TMEM132C: variants seen among roughly 807,000 people sequenced by gnomAD.
The protein encoded by TMEM132C is protein phosphatase 1, regulatory subunit 152.
A neutral mutation model predicts 61.4 loss-of-function variants in TMEM132C; 29 were observed. The observed-to-expected ratio is 0.47, with a 90% CI of 0.35 to 0.64. The LOEUF is 0.64. Ranked by LOEUF, TMEM132C falls within the 30% of genes least tolerant of loss-of-function variation. The pLI is 0.00. For synonymous variants in TMEM132C, 656 were observed against 633.1 expected, an observed-to-expected ratio of 1.04 and a Z score of -0.54; for missense variants, 1,408 against 1,476.9, an observed-to-expected ratio of 0.95 and a Z score of 0.76.
chr12:128,412,714 A>G (rs1868603093), intron 1 of TMEM132C, among the ~76,000 whole-genome samples: 1 of 149,584 alleles, frequency 6.7e-6, no homozygotes, highest in South Asian at 2.1e-4. Flanking sequence ...AGTCCATTAA[A>G]CCTCTTTCTT....
chr12:128,354,285 G>A (rs1873430775), intron 1 of TMEM132C, among the ~76,000 whole-genome samples: 1 of 152,102 alleles, frequency 6.6e-6, no homozygotes, highest in Non-Finnish European at 1.5e-5. Context: ...CGGCCACTCA[G>A]TGGAGGGAGG....
At chr12:128,470,172 G>T (rs928669566) in intron 2 of TMEM132C, among the ~76,000 whole-genome samples, 2 of 152,130 alleles carry the variant, frequency 1.3e-5, no homozygotes, top group African/African-American at 4.8e-5. Flanking sequence ...GGACCTGGTG[G>T]CCCTCATTTC....
rs140078589 is a variant in TMEM132C at position 128,309,683 on chromosome 12, T to G, written c.85+42196T>G. On this transcript the variant is annotated intron_variant, in intron 1 of 8. Coordinates refer to ENST00000435159, the MANE Select transcript of TMEM132C (RefSeq NM_001136103.3). ...CTCACTCGGCATCACTTCTTTAGTTTCATCTGTGCTGTAAAATATATCAGC... is the reference window on the plus strand; with the variant it reads ...CTCACTCGGCATCACTTCTTTAGTTGCATCTGTGCTGTAAAATATATCAGC... Among the ~76,000 whole-genome samples, 782 of 152,310 alleles carry G rather than the reference T, an allele frequency of 5.1e-3. 5 individuals are homozygous for G. Among genetic ancestry groups the G allele is most frequent in the Middle Eastern group, 0.017 (5 of 294 alleles).
chr12:128,504,458 C>T (rs1489678264), intron 2 of TMEM132C, among the ~76,000 whole-genome samples: 2 of 152,174 alleles, frequency 1.3e-5, no homozygotes, highest in South Asian at 2.1e-4. Flanking sequence ...TATTCATCAG[C>T]TCAGGCTGCC....
chr12:128,427,009 G>C lies in TMEM132C; in HGVS notation c.974+11389G>C, dbSNP rs80184459. ...CCCTTTCTATCTAAAAATTTGTGTGGAGGAGAGGCAGGATAAGGTGGCAAG... is the reference window on the plus strand; with the variant it reads ...CCCTTTCTATCTAAAAATTTGTGTGCAGGAGAGGCAGGATAAGGTGGCAAG... On this transcript the variant is annotated intron_variant, in intron 2 of 8. Transcript: ENST00000435159. 8.5e-3 allele frequency among the ~76,000 whole-genome samples: 1,288 copies of C among 152,258 alleles called. 25 individuals carry two copies. Among genetic ancestry groups the C allele is most frequent in the African/African-American group, 0.03 (1,232 of 41,546 alleles).
intron 1 of TMEM132C, among the ~76,000 whole-genome samples, chr12:128,304,159 A>G (rs1224379158): frequency 1.3e-5 from 2 of 152,204 alleles, no homozygotes; most frequent in African/African-American, 4.8e-5. Flanking sequence ...GTCACTAAGT[A>G]TTTTTGAAGA....
intron 1 of TMEM132C, among the ~76,000 whole-genome samples, chr12:128,386,625 G>A (rs1179611740): frequency 3.9e-5 from 6 of 152,190 alleles, no homozygotes; most frequent in African/African-American, 7.2e-5. Flanking sequence ...ACTCTGGGCT[G>A]GGATTGTTCT....
chr12:128,537,619 A>G (rs1348064267), intron 2 of TMEM132C, among the ~76,000 whole-genome samples: 1 of 152,214 alleles, frequency 6.6e-6, no homozygotes, highest in African/African-American at 2.4e-5. Flanking sequence ...GTGCTAGAGA[A>G]CAGACCAGTT....
At chr12:128,617,508 C>A (rs908344801) in intron 4 of TMEM132C, among the ~76,000 whole-genome samples, 1 of 152,162 alleles carries the variant, frequency 6.6e-6, no homozygotes, top group African/African-American at 2.4e-5. Flanking sequence ...ATGTATCACC[C>A]TGGGGCAGGT....
chr12:128,398,459 C>T (rs1307084851), intron 1 of TMEM132C, among the ~76,000 whole-genome samples: 1 of 152,230 alleles, frequency 6.6e-6, no homozygotes, highest in Non-Finnish European at 1.5e-5. Context: ...AGGTTTTCAT[C>T]CTCATGTGTG....
intron 1 of TMEM132C, among the ~76,000 whole-genome samples, chr12:128,311,707 C>T (rs1019112512): frequency 3.9e-5 from 6 of 152,204 alleles, no homozygotes; most frequent in Non-Finnish European, 5.9e-5. Context: ...TGTGGCCATC[C>T]GCAAATGGCG....
At chr12:128,698,558 T>C (rs1042864151) in intron 8 of TMEM132C, among the ~76,000 whole-genome samples, 3 of 152,204 alleles carry the variant, frequency 2.0e-5, no homozygotes, top group Non-Finnish European at 2.9e-5. Context: ...CATTTGCAAA[T>C]TAAATTAGGC....
intron 4 of TMEM132C, among the ~76,000 whole-genome samples, chr12:128,662,931 G>C (rs1273858230): frequency 6.6e-6 from 1 of 152,148 alleles, no homozygotes; most frequent in Non-Finnish European, 1.5e-5. Flanking sequence ...GAATGTGTCT[G>C]TTCTTAGTCC....
chr12:128,690,418 A>T (rs1357632024), intron 5 of TMEM132C, among the ~76,000 whole-genome samples: 25 of 152,160 alleles, frequency 1.6e-4, no homozygotes, highest in Admixed American at 1.6e-3. Flanking sequence ...ATGTCCCCAG[A>T]CATTTATGAC....
chr12:128,705,739 A>G lies in TMEM132C; in HGVS notation c.2771A>G (p.Glu924Gly), dbSNP rs1954834136. The change falls in exon 9 of 9, where the codon GAG (glutamate) becomes GGG (glycine). Residue 924 changes from glutamate to glycine, a missense_variant. Transcript: ENST00000435159. ...VQTPRGLSDL[E>G]IGMYALLGVF... ...ACTCCGCGGGGCCTGAGTGATCTGGAGATAGGGATGTACGCCCTCCTGGGG... is the reference window on the plus strand; with the variant it reads ...ACTCCGCGGGGCCTGAGTGATCTGGGGATAGGGATGTACGCCCTCCTGGGG... 1.9e-6 allele frequency: 3 copies of G among 1,551,366 alleles called. No individual in the cohort carries two copies. Among genetic ancestry groups the G allele is most frequent in the Non-Finnish European group, 1.7e-6 (2 of 1,147,016 alleles).
intron 5 of TMEM132C, among the ~76,000 whole-genome samples, chr12:128,672,349 C>T (rs1236205017): frequency 3.3e-5 from 5 of 151,994 alleles, no homozygotes; most frequent in South Asian, 4.2e-4. Flanking sequence ...TGATAAGACA[C>T]CTCCAGTACT....
chr12:128,400,301 G>T (rs1875108492), intron 1 of TMEM132C: 1 of 152,272 alleles, frequency 6.6e-6, no homozygotes, highest in Non-Finnish European at 1.5e-5. Flanking sequence ...CTCATGCATA[G>T]ATTCCAGATG....
intron 2 of TMEM132C, among the ~76,000 whole-genome samples, chr12:128,539,723 T>C (rs1873668581): frequency 6.6e-6 from 1 of 152,188 alleles, no homozygotes; most frequent in Non-Finnish European, 1.5e-5. Context: ...ACATTTTTTA[T>C]TGTCTTCTAG....
intron 1 of TMEM132C, among the ~76,000 whole-genome samples, chr12:128,269,533 C>T (rs1439773607): frequency 6.6e-6 from 1 of 152,066 alleles, no homozygotes; most frequent in Non-Finnish European, 1.5e-5. Context: ...AGGGACGTAG[C>T]GAAGCCCCAC....
Sources: gnomAD v4.1 joint callset for allele counts (sites outside exome capture counted in the v4.1 genomes callset) on GRCh38, gnomAD v4.1.1 for gene constraint, MANE v1.5 for transcripts, NCBI Gene and HGNC (gene_info 2026-07-23, HGNC 2026-07-21) for gene names.